Variants in RNF19A observed in about 807,000 individuals in gnomAD.
The protein encoded by RNF19A is E3 ubiquitin-protein ligase RNF19A.
In RNF19A, 32 loss-of-function variants were observed where a neutral mutation model predicts 75.7. The ratio of observed to expected loss-of-function variants is 0.42; its 90% confidence interval spans 0.32 to 0.57. RNF19A has a LOEUF of 0.57. RNF19A is among the 20% of genes least tolerant of loss of function. RNF19A has a pLI of 0.10. For missense variants in RNF19A, 782 were observed against 1,036.3 expected, an observed-to-expected ratio of 0.75 and a Z score of 3.37; for synonymous variants, 335 against 345.2, an observed-to-expected ratio of 0.97 and a Z score of 0.33.
intron 1 of RNF19A, among the ~76,000 whole-genome samples, chr8:100,298,989 G>A (rs1168378426): frequency 1.2e-4 from 19 of 152,184 alleles, no homozygotes; most frequent in Non-Finnish European, 5.9e-5. Context: ...ATACCTAGCT[G>A]TCAAAAATTT....
chr8:100,261,515 A>AGAACC lies in RNF19A; in HGVS notation c.1682+22_1682+26dup. 6.3e-7 allele frequency: 1 copy of AGAACC among 1,590,226 alleles called. No individual in the cohort carries two copies. The highest frequency in any genetic ancestry group is 1.7e-5 in the Admixed American group (1 of 59,938). On this transcript the variant is annotated intron_variant, in intron 8 of 9. Transcript: ENST00000341084. The surrounding 1 kb of genome is among the most constrained non-coding windows in gnomAD (Gnocchi z 4.4). The stretch of plus-strand genomic sequence containing the variant: ...TAATAATTTGTAGTTACCAGAAAGC[A>AGAACC]GAACCAAACCAAACCAAAACACACA...
At chr8:100,288,364 A>T in intron 1 of RNF19A, 97 bp from the exon 2 acceptor site, 1 of 830,674 alleles carries the variant, frequency 1.2e-6, no homozygotes, top group Non-Finnish European at 1.6e-6. Flanking sequence ...ATGTTTCTTA[A>T]CCATTAGTAG....
rs1822587130 is a variant in RNF19A at position 100,329,851 on chromosome 8, T to C, written c.-243+6257A>G. ...AATGAAAAGCAGACATTTTAAAGAA[T>C]CAGACCCACATGACAATAAAATTAA... On this transcript the variant is annotated intron_variant, in intron 1 of 3. Transcript: ENST00000519527. This position sits in a 1 kb window ranked among gnomAD's most constrained non-coding sequence, Gnocchi z 4.3. 6.6e-6 allele frequency among the ~76,000 whole-genome samples: 1 copy of C among 152,210 alleles called. No individual in the cohort carries two copies.
At position 100,259,174 on chromosome 8, in the gene RNF19A, G is replaced by A. The variant is rs1415692648; in HGVS notation, c.1899C>T (p.Ser633=). ...KPSKFRHNSG[S]SSVDDGSATR... Reference sequence around the variant, plus strand: ...TGGCACTGCCATCATCCACACTACTGCTTCCACTGTTGTGCCTGAATTTGG... The same window carrying A: ...TGGCACTGCCATCATCCACACTACTACTTCCACTGTTGTGCCTGAATTTGG... Residue 633 remains serine, a synonymous_variant, in exon 10 of 10, where the codon AGC becomes AGT. Transcript: ENST00000341084. This position sits in a 1 kb window ranked among gnomAD's most constrained non-coding sequence, Gnocchi z 4.5. The A allele has an allele frequency of 6.2e-7, 1 of 1,613,998 alleles. No individual in the cohort carries two copies. The highest frequency in any genetic ancestry group is 8.5e-7 in the Non-Finnish European group (1 of 1,179,994).
intron 1 of RNF19A, among the ~76,000 whole-genome samples, chr8:100,308,552 T>C (rs964209072): frequency 9.9e-5 from 15 of 152,060 alleles, no homozygotes; most frequent in African/African-American, 3.6e-4. Context: ...AGTGGTAAAA[T>C]GTGTATTAAG....
chr8:100,261,090 C>T lies in RNF19A; in HGVS notation c.1682+452G>A, dbSNP rs973429424. On this transcript the variant is annotated intron_variant, in intron 8 of 9. Coordinates refer to ENST00000341084, the MANE Select transcript of RNF19A (RefSeq NM_183419.4). This position sits in a 1 kb window ranked among gnomAD's most constrained non-coding sequence, Gnocchi z 4.4. ...GTTATTCCTTAGACTTAGAAATCTA[C>T]CACCAAATTTTTCTTTTTTTTTTTG... 1.3e-5 allele frequency among the ~76,000 whole-genome samples: 2 copies of T among 151,964 alleles called. No individual in the cohort carries two copies. Among genetic ancestry groups the T allele is most frequent in the Non-Finnish European group, 2.9e-5 (2 of 67,948 alleles).
intron 1 of RNF19A, among the ~76,000 whole-genome samples, chr8:100,296,655 T>C (rs1369197340): frequency 6.6e-6 from 1 of 152,194 alleles, no homozygotes; most frequent in Non-Finnish European, 1.5e-5. Context: ...GAGTCTAAAG[T>C]ACAATGAAAG....
upstream of RNF19A, chr8:100,312,249 T>C (rs1274951684): frequency 6.6e-6 from 1 of 152,254 alleles, no homozygotes; most frequent in South Asian, 2.1e-4. Context: ...ATGTCCACGT[T>C]GCACCCAACA....
upstream of RNF19A, chr8:100,312,475 T>A (rs879762829): frequency 6.6e-6 from 1 of 152,398 alleles, no homozygotes; most frequent in Non-Finnish European, 1.5e-5. Context: ...CAGTCCCAGC[T>A]ACTCCAGGGG....
In RNF19A at chr8:100,275,590, G is replaced by C. The variant is rs6993210; in HGVS notation, c.675-429C>G. On this transcript the variant is annotated intron_variant, in intron 2 of 9. Transcript: ENST00000341084. The surrounding 1 kb of genome is among the most constrained non-coding windows in gnomAD (Gnocchi z 4.3). ...TAAGTAGGATACCAAATTGCATTTA[G>C]CCTAATCTCAATTTTATAAAAAACC... Among the ~76,000 whole-genome samples, 11,074 of 151,894 alleles carry C rather than the reference G, an allele frequency of 0.073. 1,190 individuals carry two copies. Among genetic ancestry groups the C allele is most frequent in the African/African-American group, 0.23 (9,612 of 41,366 alleles).
At chr8:100,292,570 T>TAC (rs1164473846) in intron 1 of RNF19A, among the ~76,000 whole-genome samples, 3 of 152,144 alleles carry the variant, frequency 2.0e-5, no homozygotes, top group African/African-American at 7.2e-5. Flanking sequence ...TTTTGACTTC[T>TAC]ACACCAGCCT....
intron 1 of RNF19A, among the ~76,000 whole-genome samples, chr8:100,327,904 G>A (rs1034032935): frequency 6.6e-6 from 1 of 152,166 alleles, no homozygotes; most frequent in Non-Finnish European, 1.5e-5. Flanking sequence ...CTTTATTACT[G>A]TTGACACAAT....
chr8:100,314,804 T>A (rs142190365), upstream of RNF19A, among the ~76,000 whole-genome samples: 320 of 152,284 alleles, frequency 2.1e-3, 4 homozygotes, highest in African/African-American at 7.3e-3. The surrounding 1 kb of genome is among the most constrained non-coding windows in gnomAD (Gnocchi z 4.1). Context: ...CTGTATAAAG[T>A]ACTTCATTGT....
rs565018993 is a variant in RNF19A at position 100,330,150 on chromosome 8, T to C, written c.-243+5958A>G. ...ATCCAAACACCATCCCTTCCACTTC[T>C]TCCAGAGTTTGCTCCCACAATCTCC... is the stretch of plus-strand genomic sequence containing the variant. On this transcript the variant is annotated intron_variant, in intron 1 of 3. Transcript: ENST00000519527. The surrounding 1 kb of genome is among the most constrained non-coding windows in gnomAD (Gnocchi z 4.1). Among the ~76,000 whole-genome samples the C allele has an allele frequency of 8.5e-5, 13 of 152,192 alleles. No homozygotes were observed. The highest frequency in any genetic ancestry group is 1.6e-4 in the Non-Finnish European group (11 of 68,030).
At chr8:100,310,625 G>C (rs1390894089), upstream of RNF19A, among the ~76,000 whole-genome samples, 1 of 152,232 alleles carries the variant, frequency 6.6e-6, no homozygotes, top group Non-Finnish European at 1.5e-5. Flanking sequence ...CCCAGAGGAC[G>C]GCAGCACCCT....
chr8:100,276,401 G>A (rs556895827), intron 2 of RNF19A, among the ~76,000 whole-genome samples: 20 of 152,076 alleles, frequency 1.3e-4, no homozygotes, highest in Non-Finnish European at 2.2e-4. Context: ...GGTTGCCAAG[G>A]ATTAGGAATG....
At chr8:100,294,629 C>T (rs1269738251) in intron 1 of RNF19A, among the ~76,000 whole-genome samples, 3 of 152,046 alleles carry the variant, frequency 2.0e-5, no homozygotes, top group Admixed American at 2.0e-4. Context: ...TTCTGCTTGA[C>T]TTTCAGCTGC....
chr8:100,269,024 T>G lies in RNF19A; in HGVS notation c.1029-77A>C, dbSNP rs1253352575. 2 of 1,168,940 alleles carry G rather than the reference T, an allele frequency of 1.7e-6. No homozygotes were observed. Among genetic ancestry groups the G allele is most frequent in the African/African-American group, 3.2e-5 (2 of 63,444 alleles). 72.4% of individuals were successfully genotyped at this position (1,168,940 alleles called of 1,614,324 possible). On this transcript the variant is annotated intron_variant, in intron 4 of 9. Transcript: ENST00000341084. The surrounding 1 kb of genome is among the most constrained non-coding windows in gnomAD (Gnocchi z 5.7). Reference sequence around the variant, plus strand: ...AAATTAGTGCACTATATTAAAACAATGACTATTTTTAAAAACTTCTCATAG... The same window carrying G: ...AAATTAGTGCACTATATTAAAACAAGGACTATTTTTAAAAACTTCTCATAG...
intron 1 of RNF19A, among the ~76,000 whole-genome samples, chr8:100,297,532 T>A (rs925054106): frequency 1.3e-5 from 2 of 152,220 alleles, no homozygotes; most frequent in Non-Finnish European, 2.9e-5. Flanking sequence ...GCAATCTGAC[T>A]ATAATAATGT....
Sources: gnomAD v4.1 joint callset for allele counts (sites outside exome capture counted in the v4.1 genomes callset) on GRCh38, gnomAD v4.1.1 for gene constraint, Gnocchi (gnomAD v3.1) non-coding constraint, MANE v1.5 for transcripts, NCBI Gene and HGNC (gene_info 2026-07-23, HGNC 2026-07-21) for gene names.